SIKE1: variants seen among roughly 807,000 people sequenced by gnomAD.
SIKE1 encodes suppressor of IKK epsilon.
Under a neutral mutation model 25.8 loss-of-function variants are expected in SIKE1, and 13 were observed. The observed-to-expected ratio is 0.50, with a 90% CI of 0.33 to 0.80. The LOEUF (loss-of-function observed/expected upper bound fraction) is 0.80. Among genes scored for constraint, SIKE1 ranks in the 30% least tolerant of loss-of-function variants. SIKE1 has a pLI of 0.02. For missense variants in SIKE1, 222 were observed against 252.4 expected, an observed-to-expected ratio of 0.88 and a Z score of 0.82; for synonymous variants, 86 against 95.5, an observed-to-expected ratio of 0.90 and a Z score of 0.58.
At chr1:114,776,904 T>C (rs886233237) in intron 3 of SIKE1, among the ~76,000 whole-genome samples, 2 of 152,166 alleles carry the variant, frequency 1.3e-5, no homozygotes, top group Non-Finnish European at 2.9e-5. Flanking sequence ...ATATATACCA[T>C]GGAATACTAT....
intron 4 of SIKE1, among the ~76,000 whole-genome samples, chr1:114,775,327 G>A (rs760203501): frequency 6.6e-6 from 1 of 151,890 alleles, no homozygotes; most frequent in Non-Finnish European, 1.5e-5. Context: ...TGCTTCCTTC[G>A]GTATTTGTAT....
intron 2 of SIKE1, 104 bp from the exon 3 acceptor site, chr1:114,779,388 C>T: frequency 8.5e-7 from 1 of 1,183,012 alleles, no homozygotes; most frequent in Non-Finnish European, 1.2e-6. Context: ...TAATATGAAT[C>T]TAAAGTTGTA....
In SIKE1 at chr1:114,774,233, C is replaced by T. The variant is rs773819427; in HGVS notation, c.*38G>A. ...TGAATGGGAAGACAGTAACTTCCTTCCTTGATAGACAATCTCCAGCCATCA... is the reference window on the plus strand; with the variant it reads ...TGAATGGGAAGACAGTAACTTCCTTTCTTGATAGACAATCTCCAGCCATCA... On this transcript the variant is annotated 3_prime_UTR_variant, in exon 5 of 5. Coordinates refer to ENST00000060969, the MANE Select transcript of SIKE1 (RefSeq NM_025073.3). 3 of 1,495,340 alleles carry T rather than the reference C, an allele frequency of 2.0e-6. No individual in the cohort carries two copies. The Admixed American group carries it at 5.1e-5, about 25-fold the overall frequency. 92.6% of individuals were successfully genotyped at this position (1,495,340 alleles called of 1,614,324 possible). A position where few individuals can be genotyped will look rare whatever the true frequency, so the allele number is the denominator to read the frequency against.
intron 3 of SIKE1, 81 bp from the exon 4 acceptor site, chr1:114,776,540 ATTT>A: frequency 1.1e-6 from 1 of 913,434 alleles, no homozygotes. Context: ...GTGCATTACG[ATTT>A]TTAAAAGTTC....
Position 114,776,473 on chromosome 1 carries a change from A to C in SIKE1, c.409-14T>G. On this transcript the variant is annotated splice_polypyrimidine_tract_variant and intron_variant, in intron 3 of 4. Transcript: ENST00000060969. Reference sequence around the variant, plus strand: ...ACTCTCAATTTCCTGTGAAGATATTAAGGAAACAAAGGTGGAAAAATCACC... The same window carrying C: ...ACTCTCAATTTCCTGTGAAGATATTCAGGAAACAAAGGTGGAAAAATCACC... The C allele has an allele frequency of 6.6e-7, 1 of 1,521,786 alleles. No homozygotes were observed. The highest frequency in any genetic ancestry group is 9.1e-7 in the Non-Finnish European group (1 of 1,099,104). The allele number at this position is 1,521,786 out of a possible 1,614,324, so 94.3% of individuals were successfully genotyped here.
rs35490891 is a variant in SIKE1, at chr1:114,775,503, C to CT, written c.522+842dup. Reference sequence around the variant, plus strand: ...TCAAACCATTCACTGAAATGCTTTGCTTTTTTTTTTTTTTTTTTGAGACAG... The same window carrying CT: ...TCAAACCATTCACTGAAATGCTTTGCTTTTTTTTTTTTTTTTTTTGAGACAG... On this transcript the variant is annotated intron_variant, in intron 4 of 4. Transcript: ENST00000060969. 2.1e-3 allele frequency among the ~76,000 whole-genome samples: 259 copies of CT among 122,542 alleles called. 1 individual carries two copies. Among genetic ancestry groups the CT allele is most frequent in the East Asian group, 4.6e-3 (21 of 4,554 alleles). The allele number at this position is 122,542 out of a possible 152,430, so 80.4% of individuals were successfully genotyped here.
intron 4 of SIKE1, 79 bp from the exon 5 acceptor site, chr1:114,774,451 G>T (rs550343565): frequency 1.0e-6 from 1 of 958,288 alleles, no homozygotes. Flanking sequence ...TTTGAGCCAG[G>T]AGCAGAAAAC....
At chr1:114,778,547 A>G (rs1033652284) in intron 3 of SIKE1, among the ~76,000 whole-genome samples, 7 of 152,320 alleles carry the variant, frequency 4.6e-5, no homozygotes, top group African/African-American at 1.4e-4. Flanking sequence ...TGGGAGCGCT[A>G]AGAATTAATG....
In SIKE1 at chr1:114,773,998, A is replaced by C. The variant is rs192905540; in HGVS notation, c.*273T>G. 109 of 261,254 alleles carry C rather than the reference A, an allele frequency of 4.2e-4. No individual in the cohort carries two copies. The highest frequency in any genetic ancestry group is 2.3e-3 in the African/African-American group (103 of 45,342). The allele number at this position is 261,254 out of a possible 1,614,324, so 16.2% of individuals were successfully genotyped here. A position where few individuals can be genotyped will look rare whatever the true frequency, so the allele number is the denominator to read the frequency against. ...AGATGTGAAAAATAACAAAGAACTG[A>C]AAACATAGTTTATATAAATCAAGGT... On this transcript the variant is annotated 3_prime_UTR_variant, in exon 5 of 5. Transcript: ENST00000060969.
At position 114,774,145 on chromosome 1, in the gene SIKE1, C is replaced by A; in HGVS notation, c.*126G>T. ...CAATATTGACTGGAATTCTAAATTG[C>A]CACCTGATACCTTTAATTAAGATTA... On this transcript the variant is annotated 3_prime_UTR_variant, in exon 5 of 5. Coordinates refer to ENST00000060969, the MANE Select transcript of SIKE1 (RefSeq NM_025073.3). 1.6e-6 allele frequency: 1 copy of A among 635,428 alleles called. No homozygotes were observed. The highest frequency in any genetic ancestry group is 2.6e-6 in the Non-Finnish European group (1 of 380,844). The allele number at this position is 635,428 out of a possible 1,614,324, so 39.4% of individuals were successfully genotyped here.
chr1:114,776,510 T>C (rs780557512), intron 3 of SIKE1, 51 bp from the exon 4 acceptor site: 10 of 1,189,830 alleles, frequency 8.4e-6, no homozygotes, highest in African/African-American at 6.0e-5. Flanking sequence ...GTTCTGTAGA[T>C]ATAAAGAACG....
rs570554673 is a variant in SIKE1, at chr1:114,771,332, CT to C, written c.*2938del. The C allele has an allele frequency of 9.2e-5, 14 of 152,252 alleles. No homozygotes were observed. Among genetic ancestry groups the C allele is most frequent in the Non-Finnish European group, 1.8e-4 (12 of 68,010 alleles). The allele number at this position is 152,252 out of a possible 1,614,324, so 9.4% of individuals were successfully genotyped here. A position where few individuals can be genotyped will look rare whatever the true frequency, so the allele number is the denominator to read the frequency against. On this transcript the variant is annotated 3_prime_UTR_variant, in exon 5 of 5. Coordinates refer to ENST00000060969, the MANE Select transcript of SIKE1 (RefSeq NM_025073.3). ...TATAAGCTGTGGTGTTTCTTTTGCA[CT>C]AATAAAAATAGATTTTGCTAATCAA...
chr1:114,780,235 C>T lies in SIKE1; in HGVS notation c.160-20G>A, dbSNP rs752064848. 2 of 1,592,448 alleles carry T rather than the reference C, an allele frequency of 1.3e-6. No homozygotes were observed. Among genetic ancestry groups the T allele is most frequent in the South Asian group, 1.1e-5 (1 of 90,422 alleles). On this transcript the variant is annotated intron_variant, in intron 1 of 4. Coordinates refer to ENST00000060969, the MANE Select transcript of SIKE1 (RefSeq NM_025073.3). ...TTGATACTGGACAAATAGAGACAGACTAAGCATGCCTTAAAGAGAACAGCG... is the reference window on the plus strand; with the variant it reads ...TTGATACTGGACAAATAGAGACAGATTAAGCATGCCTTAAAGAGAACAGCG...
Position 114,780,548 on chromosome 1 carries a change from C to A in SIKE1, c.60G>T (p.Arg20=), listed in dbSNP as rs890735420. The A allele has an allele frequency of 6.2e-7, 1 of 1,613,758 alleles. No individual in the cohort carries two copies. The highest frequency in any genetic ancestry group is 8.5e-7 in the Non-Finnish European group (1 of 1,180,042). The part of the protein sequence containing the change: ...TDAKTLLERL[R]EHDAAAESLV... The stretch of plus-strand genomic sequence containing the variant: ...GCGACTCGGCGGCCGCATCGTGCTC[C>A]CGTAGCCTCTCCAGCAGCGTCTTGG... Residue 20 remains arginine, a synonymous_variant, in exon 1 of 5, where the codon CGG becomes CGT. Transcript: ENST00000060969.
Position 114,772,612 on chromosome 1 carries a change from T to C in SIKE1, c.*1659A>G, listed in dbSNP as rs1310537605. The C allele has an allele frequency of 1.3e-5, 2 of 152,192 alleles. No individual in the cohort carries two copies. The highest frequency in any genetic ancestry group is 4.8e-5 in the African/African-American group (2 of 41,452). The allele number at this position is 152,192 out of a possible 1,614,324, so 9.4% of individuals were successfully genotyped here. On this transcript the variant is annotated 3_prime_UTR_variant, in exon 5 of 5. Transcript: ENST00000060969. ...GATTACTTCATCATTTTCACTGAAATCTGGCCATGGTAGGTTTGGCCGTGG... is the reference window on the plus strand; with the variant it reads ...GATTACTTCATCATTTTCACTGAAACCTGGCCATGGTAGGTTTGGCCGTGG...
intron 4 of SIKE1, among the ~76,000 whole-genome samples, chr1:114,775,937 CT>C (rs768351464): frequency 2.6e-5 from 4 of 152,170 alleles, no homozygotes; most frequent in Non-Finnish European, 5.9e-5. Flanking sequence ...AATGCAACCA[CT>C]TTTAACACTT....
At chr1:114,777,075 G>A (rs1218469158) in intron 3 of SIKE1, among the ~76,000 whole-genome samples, 1 of 152,116 alleles carries the variant, frequency 6.6e-6, no homozygotes, top group Non-Finnish European at 1.5e-5. Context: ...CACAGGGTGG[G>A]GAACATCACA....
chr1:114,774,067 G>A lies in SIKE1; in HGVS notation c.*204C>T, dbSNP rs1219692777. The A allele has an allele frequency of 2.7e-6, 1 of 377,192 alleles. No homozygotes were observed. Among genetic ancestry groups the A allele is most frequent in the African/African-American group, 2.1e-5 (1 of 48,190 alleles). The allele number at this position is 377,192 out of a possible 1,614,324, so 23.4% of individuals were successfully genotyped here. Reference sequence around the variant, plus strand: ...AAGTAGTCTCTTTGAGAAAGGAATGGTGAAATTCAGCATGTAGTATTCACA... The same window carrying A: ...AAGTAGTCTCTTTGAGAAAGGAATGATGAAATTCAGCATGTAGTATTCACA... On this transcript the variant is annotated 3_prime_UTR_variant, in exon 5 of 5. Transcript: ENST00000060969.
chr1:114,774,416 C>G (rs754982120), intron 4 of SIKE1, 44 bp from the exon 5 acceptor site: 9 of 1,310,480 alleles, frequency 6.9e-6, no homozygotes, highest in Non-Finnish European at 9.8e-6. Context: ...TTTTACTGTC[C>G]AACTGCATTA....
Sources: allele counts gnomAD v4.1 joint callset (sites outside exome capture counted in the v4.1 genomes callset), GRCh38; gene constraint gnomAD v4.1.1; transcripts MANE v1.5; gene names NCBI Gene and HGNC (gene_info 2026-07-23, HGNC 2026-07-21).